The following TENM3 variants were observed in gnomAD, a reference collection of about 807,000 sequenced individuals.
TENM3 encodes teneurin transmembrane protein 3.
Under a neutral mutation model 255.1 loss-of-function variants are expected in TENM3, and 63 were observed. That is an observed-to-expected ratio of 0.25 (90% CI 0.20 to 0.30). The LOEUF is 0.30. TENM3 is among the 10% of genes least tolerant of loss of function. The pLI is 1.00. For synonymous variants in TENM3, 1,306 were observed against 1,322.3 expected (o/e 0.99, Z 0.27); for missense variants, 2,929 against 3,461.1 (o/e 0.85, Z 3.86).
At chr4:182,130,468 T>C in the TENM3 span, among the ~76,000 whole-genome samples, 1 of 152,208 alleles carries the variant, frequency 6.6e-6, no homozygotes, top group Non-Finnish European at 1.5e-5. Flanking sequence ...CATTGTACTA[T>C]GTGTTTAAGT....
the TENM3 span, among the ~76,000 whole-genome samples, chr4:181,731,185 C>T: frequency 1.1e-4 from 16 of 152,158 alleles, no homozygotes; most frequent in Admixed American, 9.8e-4. Context: ...AAAAAGAGGA[C>T]AGGTAATACT....
At chr4:181,537,398 C>T in the TENM3 span, among the ~76,000 whole-genome samples, 4 of 152,196 alleles carry the variant, frequency 2.6e-5, no homozygotes, top group South Asian at 4.1e-4. Flanking sequence ...CGAAATTAAC[C>T]GAGCATCTGG....
chr4:181,876,180 A>G, the TENM3 span, among the ~76,000 whole-genome samples: 1 of 152,238 alleles, frequency 6.6e-6, no homozygotes, highest in Non-Finnish European at 1.5e-5. Context: ...TTATTTTTCA[A>G]TGACCAAGTT....
At chr4:182,244,248 C>T (rs1422546021) in intron 1 of TENM3, among the ~76,000 whole-genome samples, 6 of 152,140 alleles carry the variant, frequency 3.9e-5, no homozygotes, top group East Asian at 1.9e-4. Flanking sequence ...CCACCGCGCC[C>T]GGCCTCATTT....
At chr4:181,738,118 T>G in the TENM3 span, among the ~76,000 whole-genome samples, 1 of 152,264 alleles carries the variant, frequency 6.6e-6, no homozygotes, top group Non-Finnish European at 1.5e-5. Flanking sequence ...GTCCATACAG[T>G]AATGTTTTCA....
the TENM3 span, among the ~76,000 whole-genome samples, chr4:182,014,362 A>G: frequency 6.6e-6 from 1 of 151,896 alleles, no homozygotes; most frequent in Admixed American, 6.6e-5. Flanking sequence ...TCACTAATCA[A>G]TCACAAAACT....
the TENM3 span, among the ~76,000 whole-genome samples, chr4:182,134,470 T>C: frequency 5.8e-4 from 88 of 152,310 alleles, no homozygotes; most frequent in African/African-American, 1.7e-3. Flanking sequence ...TCCCTCTTTA[T>C]AGACTCTTAG....
the TENM3 span, among the ~76,000 whole-genome samples, chr4:181,499,716 T>G: frequency 6.6e-6 from 1 of 152,206 alleles, no homozygotes. Context: ...TAAAGGGATG[T>G]GCCTGAAGCC....
At chr4:181,492,870 T>G in the TENM3 span, among the ~76,000 whole-genome samples, 1 of 152,210 alleles carries the variant, frequency 6.6e-6, no homozygotes, top group Non-Finnish European at 1.5e-5. Flanking sequence ...TGGTCATATA[T>G]CAAGATAACC....
intron 21 of TENM3, among the ~76,000 whole-genome samples, chr4:182,753,951 C>T (rs1163698232): frequency 6.6e-6 from 1 of 152,144 alleles, no homozygotes; most frequent in African/African-American, 2.4e-5. Flanking sequence ...GTAGAGAGAA[C>T]CCACTATGAT....
chr4:182,197,060 G>C (rs555274586), intron 1 of TENM3, among the ~76,000 whole-genome samples: 1 of 152,288 alleles, frequency 6.6e-6, no homozygotes, highest in East Asian at 1.9e-4. Context: ...GCATGTTACA[G>C]TTTCACAATT....
the TENM3 span, among the ~76,000 whole-genome samples, chr4:182,089,980 G>A: frequency 6.6e-6 from 1 of 152,130 alleles, no homozygotes; most frequent in South Asian, 2.1e-4. Flanking sequence ...TGTTGACTCA[G>A]TCCATCTAAT....
chr4:182,680,615 A>G lies in TENM3; in HGVS notation c.1712A>G (p.Lys571Arg). The part of the protein sequence containing the change: ...KGRCLCFSGW[K>R]GTECDVPTTQ... ...CGCTGCCTGTGTTTCAGCGGCTGGAAGGGCACCGAGTGTGATGTGCCGACT... is the reference window on the plus strand; with the variant it reads ...CGCTGCCTGTGTTTCAGCGGCTGGAGGGGCACCGAGTGTGATGTGCCGACT... Residue 571 changes from lysine to arginine, a missense_variant, in exon 10 of 28, where the codon AAG becomes AGG. Transcript: ENST00000511685. The G allele has an allele frequency of 6.2e-7, 1 of 1,613,812 alleles. No homozygotes were observed. Among genetic ancestry groups the G allele is most frequent in the Non-Finnish European group, 8.5e-7 (1 of 1,179,848 alleles).
At chr4:181,744,390 T>C in the TENM3 span, among the ~76,000 whole-genome samples, 1 of 152,222 alleles carries the variant, frequency 6.6e-6, no homozygotes, top group Non-Finnish European at 1.5e-5. Flanking sequence ...TCTAGGTCTT[T>C]GAGGAATCAC....
chr4:181,672,612 G>C, the TENM3 span, among the ~76,000 whole-genome samples: 2 of 152,110 alleles, frequency 1.3e-5, no homozygotes, highest in Non-Finnish European at 2.9e-5. Context: ...AGATTAAAGG[G>C]GAGACTGTTC....
At position 182,384,462 on chromosome 4, in the gene TENM3, T is replaced by G. The variant is rs79768944; in HGVS notation, c.511+37533T>G. 2.6e-3 allele frequency among the ~76,000 whole-genome samples: 397 copies of G among 152,314 alleles called. 5 individuals are homozygous for G. The highest frequency in any genetic ancestry group is 9.3e-3 in the African/African-American group (385 of 41,556). ...AGTATAAACAAAGAAATGCATTTGT[T>G]ATACTTAGTGCCCCCAAAATCATTT... On this transcript the variant is annotated intron_variant, in intron 3 of 27. Coordinates refer to ENST00000511685, the MANE Select transcript of TENM3 (RefSeq NM_001080477.4).
At chr4:182,216,604 G>A (rs2726808) in intron 1 of TENM3, among the ~76,000 whole-genome samples, 6 of 152,040 alleles carry the variant, frequency 3.9e-5, no homozygotes, top group East Asian at 1.9e-4. Context: ...GGATACAGGC[G>A]TCATAGTCTT....
At chr4:182,564,838 T>A (rs1424839679) in intron 3 of TENM3, among the ~76,000 whole-genome samples, 1 of 152,210 alleles carries the variant, frequency 6.6e-6, no homozygotes, top group Non-Finnish European at 1.5e-5. Context: ...AAATGTCAAA[T>A]ATTTCTATGG....
At chr4:182,641,773 T>C (rs1752338032) in intron 5 of TENM3, among the ~76,000 whole-genome samples, 1 of 152,194 alleles carries the variant, frequency 6.6e-6, no homozygotes, top group African/African-American at 2.4e-5. Flanking sequence ...GTGATCCACC[T>C]GCTTCGGCCT....
Sources: allele counts gnomAD v4.1 joint callset (sites outside exome capture counted in the v4.1 genomes callset), GRCh38; gene constraint gnomAD v4.1.1; transcripts MANE v1.5; gene names NCBI Gene and HGNC (gene_info 2026-07-23, HGNC 2026-07-21).